Variants in TMEM178B observed in about 807,000 individuals in gnomAD.
TMEM178B encodes the protein transmembrane protein 178B.
In TMEM178B, 5 loss-of-function variants were observed where a neutral mutation model predicts 31.0. That is an observed-to-expected ratio of 0.16 (90% CI 0.08 to 0.34). The LOEUF is 0.34. Among genes scored for constraint, TMEM178B ranks in the 10% least tolerant of loss-of-function variants. The pLI, the probability that TMEM178B is intolerant of heterozygous loss-of-function variation, is 1.00. For synonymous variants in TMEM178B, 164 were observed against 164.0 expected (o/e 1.00, Z 0.00); for missense variants, 275 against 400.3 (o/e 0.69, Z 2.67).
intron 2 of TMEM178B, among the ~76,000 whole-genome samples, chr7:141,392,434 C>G (rs778449091): frequency 6.6e-6 from 1 of 152,190 alleles, no homozygotes; most frequent in African/African-American, 2.4e-5. Context: ...TTTCTCTCTT[C>G]CTCTCTGCCT....
intron 1 of TMEM178B, among the ~76,000 whole-genome samples, chr7:141,196,036 T>A (rs141222351): frequency 1.1e-3 from 173 of 152,292 alleles, no homozygotes; most frequent in East Asian, 6.7e-3. Context: ...AAGTTGAGAT[T>A]TGAGTGGGGA....
chr7:141,400,405 C>T (rs571143058), intron 2 of TMEM178B, among the ~76,000 whole-genome samples: 1 of 152,190 alleles, frequency 6.6e-6, no homozygotes, highest in African/African-American at 2.4e-5. Flanking sequence ...GCCACTGCTT[C>T]AACTGGGGCC....
At chr7:141,449,283 C>T (rs1464733402) in intron 3 of TMEM178B, among the ~76,000 whole-genome samples, 1 of 151,998 alleles carries the variant, frequency 6.6e-6, no homozygotes, top group Non-Finnish European at 1.5e-5. Context: ...AAAAGCTGTT[C>T]CCAGGAAACA....
rs1017449870 is a variant in TMEM178B at position 141,426,534 on chromosome 7, C to T, written c.497-11074C>T. On this transcript the variant is annotated intron_variant, in intron 2 of 3. Coordinates refer to ENST00000565468, the MANE Select transcript of TMEM178B (RefSeq NM_001195278.2). Reference sequence around the variant, plus strand: ...ATGATGAGAAACTTGACAGATGGAGCCAGTGGGGACCCATGTTGGCAGAGA... The same window carrying T: ...ATGATGAGAAACTTGACAGATGGAGTCAGTGGGGACCCATGTTGGCAGAGA... Among the ~76,000 whole-genome samples the T allele has an allele frequency of 5.3e-5, 8 of 152,096 alleles. No individual in the cohort carries two copies. In the South Asian group the frequency reaches 1.7e-3, roughly 32 times the overall value.
At chr7:141,231,289 C>A (rs1030064636) in intron 2 of TMEM178B, among the ~76,000 whole-genome samples, 2 of 148,162 alleles carry the variant, frequency 1.3e-5, no homozygotes, top group Admixed American at 6.8e-5. Context: ...TGCTTTGGGG[C>A]TCCTGACCTA....
intron 2 of TMEM178B, among the ~76,000 whole-genome samples, chr7:141,296,717 C>G (rs1041905182): frequency 1.3e-5 from 2 of 152,158 alleles, no homozygotes; most frequent in Admixed American, 1.3e-4. Flanking sequence ...TCAGTTTCCC[C>G]CAGTGGTGAC....
At chr7:141,167,551 A>T (rs1796282047) in intron 1 of TMEM178B, among the ~76,000 whole-genome samples, 2 of 152,200 alleles carry the variant, frequency 1.3e-5, no homozygotes, top group Non-Finnish European at 1.5e-5. Flanking sequence ...AAGGGCCTGG[A>T]TCTATGTCAC....
At chr7:141,239,446 C>T (rs1206006047) in intron 2 of TMEM178B, among the ~76,000 whole-genome samples, 4 of 152,062 alleles carry the variant, frequency 2.6e-5, no homozygotes, top group South Asian at 2.1e-4. Context: ...TTGGTCACTT[C>T]GTACCCTCCA....
chr7:141,275,947 T>C (rs1798259856), intron 2 of TMEM178B, among the ~76,000 whole-genome samples: 1 of 152,190 alleles, frequency 6.6e-6, no homozygotes, highest in Non-Finnish European at 1.5e-5. Context: ...TAAGTACATA[T>C]GGGCACATCT....
chr7:141,263,698 A>G (rs1441440288), intron 2 of TMEM178B, among the ~76,000 whole-genome samples: 1 of 152,154 alleles, frequency 6.6e-6, no homozygotes, highest in East Asian at 1.9e-4. Flanking sequence ...ACTTCCTGGT[A>G]CATACTGGAA....
chr7:141,274,389 C>T (rs1328589767), intron 2 of TMEM178B, among the ~76,000 whole-genome samples: 1 of 152,154 alleles, frequency 6.6e-6, no homozygotes, highest in Non-Finnish European at 1.5e-5. Context: ...GTTCTATTAG[C>T]AGCATATTCG....
In TMEM178B at chr7:141,267,476, TGTC is replaced by T. The variant is rs538070495; in HGVS notation, c.496+54774_496+54776del. ...GGTGACCCTCATTAGCTCATCATAT[TGTC>T]GGCTCCCCTCAGCCTTCTCTTCCTC... is the stretch of plus-strand genomic sequence containing the variant. On this transcript the variant is annotated intron_variant, in intron 2 of 3. Transcript: ENST00000565468. Among the ~76,000 whole-genome samples the T allele has an allele frequency of 5.5e-4, 84 of 152,310 alleles. 1 individual carries two copies. In the South Asian group the frequency reaches 0.017, roughly 31 times the overall value.
intron 2 of TMEM178B, among the ~76,000 whole-genome samples, chr7:141,353,002 T>G (rs546860097): frequency 6.6e-6 from 1 of 152,332 alleles, no homozygotes; most frequent in South Asian, 2.1e-4. Context: ...TATTTAGCAT[T>G]GTTTCTGGTG....
intron 2 of TMEM178B, among the ~76,000 whole-genome samples, chr7:141,373,328 C>T (rs545316451): frequency 6.6e-6 from 1 of 152,132 alleles, no homozygotes; most frequent in Non-Finnish European, 1.5e-5. Flanking sequence ...AAATAAACAA[C>T]AACAACAGCA....
At chr7:141,348,158 G>A (rs1219005204) in intron 2 of TMEM178B, among the ~76,000 whole-genome samples, 1 of 152,190 alleles carries the variant, frequency 6.6e-6, no homozygotes, top group Non-Finnish European at 1.5e-5. Flanking sequence ...TTTTACGATA[G>A]CGGGTTGGTT....
chr7:141,479,654 G>A lies in TMEM178B; in HGVS notation c.*8868G>A, dbSNP rs1802438892. ...ATAACATTCTGAGCCCTGTGTTACTGAGCAAAAATGAGCTGATTTGGTGAG... is the reference window on the plus strand; with the variant it reads ...ATAACATTCTGAGCCCTGTGTTACTAAGCAAAAATGAGCTGATTTGGTGAG... On this transcript the variant is annotated 3_prime_UTR_variant, in exon 4 of 4. Coordinates refer to ENST00000565468, the MANE Select transcript of TMEM178B (RefSeq NM_001195278.2). The A allele has an allele frequency of 6.6e-6, 1 of 152,190 alleles. No individual in the cohort carries two copies. Among genetic ancestry groups the A allele is most frequent in the Admixed American group, 6.5e-5 (1 of 15,278 alleles). 9.4% of individuals were successfully genotyped at this position (152,190 alleles called of 1,614,324 possible).
At chr7:141,335,460 T>G (rs1406614087) in intron 2 of TMEM178B, among the ~76,000 whole-genome samples, 2 of 152,152 alleles carry the variant, frequency 1.3e-5, no homozygotes, top group African/African-American at 4.8e-5. Flanking sequence ...GAAGCTGGGT[T>G]TGACCAGATC....
intron 1 of TMEM178B, among the ~76,000 whole-genome samples, chr7:141,189,499 C>T (rs1265895168): frequency 6.6e-6 from 1 of 152,210 alleles, no homozygotes; most frequent in Non-Finnish European, 1.5e-5. Context: ...CTCTGAAGTT[C>T]ATCTGAGGCC....
intron 2 of TMEM178B, among the ~76,000 whole-genome samples, chr7:141,311,328 A>G (rs1404742231): frequency 6.6e-6 from 1 of 152,262 alleles, no homozygotes; most frequent in African/African-American, 2.4e-5. Context: ...GTCCCATTTA[A>G]TAAGTGAAAA....
Sources: allele counts gnomAD v4.1 joint callset (sites outside exome capture counted in the v4.1 genomes callset), GRCh38; gene constraint gnomAD v4.1.1; transcripts MANE v1.5; gene names NCBI Gene and HGNC (gene_info 2026-07-23, HGNC 2026-07-21).